MEIS1: variants seen among roughly 807,000 people sequenced by gnomAD.
The protein encoded by MEIS1 is Meis homeobox 1.
In MEIS1, 5 loss-of-function variants were observed where a neutral mutation model predicts 50.8. The observed-to-expected ratio is 0.10, with a 90% CI of 0.05 to 0.21. The LOEUF (loss-of-function observed/expected upper bound fraction) is 0.21. Among genes scored for constraint, MEIS1 ranks in the 10% least tolerant of loss-of-function variants. The pLI is 1.00. For missense variants in MEIS1, 318 were observed against 517.3 expected (o/e 0.61, Z 3.74); for synonymous variants, 176 against 179.3 (o/e 0.98, Z 0.15).
At chr2:66,547,870 T>C in intron 8 of MEIS1, 73 bp from the exon 9 acceptor site, 1 of 1,434,156 alleles carries the variant, frequency 7.0e-7, no homozygotes, top group Non-Finnish European at 9.8e-7. Flanking sequence ...ATAGACTTCA[T>C]GAGACACTTA....
intron 7 of MEIS1, among the ~76,000 whole-genome samples, chr2:66,504,844 G>A (rs902325693): frequency 3.3e-5 from 5 of 152,082 alleles, no homozygotes; most frequent in Admixed American, 3.3e-4. Flanking sequence ...CAAAGGAACC[G>A]CTTCAAATTT....
intron 10 of MEIS1, chr2:66,568,399 A>G (rs1403012925): frequency 2.9e-6 from 1 of 346,376 alleles, no homozygotes; most frequent in East Asian, 6.2e-5. Flanking sequence ...TTTTCTTCCA[A>G]CACCCATTAT....
At chr2:66,541,284 G>A (rs566504855) in intron 8 of MEIS1, among the ~76,000 whole-genome samples, 104 of 152,016 alleles carry the variant, frequency 6.8e-4, no homozygotes, top group African/African-American at 9.4e-4. Context: ...TGATCCTCCC[G>A]TCTCGGCCTC....
chr2:66,492,371 A>G (rs10166707), intron 7 of MEIS1, among the ~76,000 whole-genome samples: 19,213 of 152,034 alleles, frequency 0.13, 2,146 homozygotes, highest in African/African-American at 0.3. Context: ...TCCTTAGCAG[A>G]TTGCTAGATT....
At chr2:66,441,014 A>G in intron 4 of MEIS1, 1 of 329,062 alleles carries the variant, frequency 3.0e-6, no homozygotes. Context: ...AGGTGTAAGG[A>G]AGGCAGCAGA....
At chr2:66,452,045 A>G (rs1325769379) in intron 6 of MEIS1, among the ~76,000 whole-genome samples, 1 of 151,986 alleles carries the variant, frequency 6.6e-6, no homozygotes, top group East Asian at 1.9e-4. Flanking sequence ...ATAGCAGCAA[A>G]TAGGTAAGAT....
chr2:66,440,365 T>G, intron 3 of MEIS1, 197 bp from the exon 4 acceptor site: 1 of 625,974 alleles, frequency 1.6e-6, no homozygotes, highest in Non-Finnish European at 2.8e-6. Flanking sequence ...AGCTCTGGGC[T>G]TGTTTTCAGC....
chr2:66,553,634 C>G lies in MEIS1; in HGVS notation c.965+5615C>G, dbSNP rs1018187148. Reference sequence around the variant, plus strand: ...GGGAAAAGAGCTGTGAATTTAGAAACCTTCAGGTATTGTCATGTCAGAGAG... The same window carrying G: ...GGGAAAAGAGCTGTGAATTTAGAAAGCTTCAGGTATTGTCATGTCAGAGAG... On this transcript the variant is annotated intron_variant, in intron 9 of 12. Transcript: ENST00000272369. Among the ~76,000 whole-genome samples, 5 of 152,340 alleles carry G rather than the reference C, an allele frequency of 3.3e-5. No homozygotes were observed. In the South Asian group the frequency reaches 6.2e-4, roughly 19 times the overall value.
chr2:66,560,583 CA>C (rs796503153), intron 9 of MEIS1, among the ~76,000 whole-genome samples: 38,479 of 128,994 alleles, frequency 0.3, 5,133 homozygotes, highest in African/African-American at 0.34. Context: ...GACTCTGTCT[CA>C]AAAAAAAAAA....
intron 7 of MEIS1, among the ~76,000 whole-genome samples, chr2:66,477,567 C>T (rs1672922858): frequency 1.3e-5 from 2 of 152,182 alleles, no homozygotes; most frequent in East Asian, 1.9e-4. Context: ...GCACTGCTTT[C>T]CCTCAAAGAA....
chr2:66,495,853 G>C (rs1437097146), intron 7 of MEIS1, among the ~76,000 whole-genome samples: 1 of 152,214 alleles, frequency 6.6e-6, no homozygotes, highest in Admixed American at 6.5e-5. Flanking sequence ...TCAAGATCTA[G>C]CACCCAAAGA....
At chr2:66,554,806 G>T (rs1303749405) in intron 9 of MEIS1, among the ~76,000 whole-genome samples, 1 of 152,130 alleles carries the variant, frequency 6.6e-6, no homozygotes, top group Non-Finnish European at 1.5e-5. Flanking sequence ...GACAAACAGA[G>T]AAATTAATTA....
chr2:66,444,421 T>G (rs995828166), intron 6 of MEIS1, among the ~76,000 whole-genome samples: 1 of 152,244 alleles, frequency 6.6e-6, no homozygotes, highest in Non-Finnish European at 1.5e-5. Flanking sequence ...AAATACATTC[T>G]CAGCTTGATT....
rs1553370150 is a variant in MEIS1 at position 66,440,049 on chromosome 2, A to ACGCGTGCG, written c.381+69_381+70insTGCGCGCG. ...GAGAGCCCCCCCTTCGCCAACACAC[A>ACGCGTGCG]CGCGCGCGCGCGCGCGCGAACACAC... On this transcript the variant is annotated intron_variant, in intron 3 of 12. Coordinates refer to ENST00000272369, the MANE Select transcript of MEIS1 (RefSeq NM_002398.3). The ACGCGTGCG allele has an allele frequency of 4.4e-3, 4,734 of 1,078,188 alleles. 64 individuals carry two copies. The highest frequency in any genetic ancestry group is 0.013 in the Middle Eastern group (40 of 3,048). 66.8% of individuals were successfully genotyped at this position (1,078,188 alleles called of 1,614,324 possible). A position where few individuals can be genotyped will look rare whatever the true frequency, so the allele number is the denominator to read the frequency against.
At position 66,567,466 on chromosome 2, in the gene MEIS1, C is replaced by A; in HGVS notation, c.979C>A (p.Arg327=). The A allele has an allele frequency of 1.9e-6, 3 of 1,613,726 alleles. No homozygotes were observed. The highest frequency in any genetic ancestry group is 2.5e-6 in the Non-Finnish European group (3 of 1,179,890). Reference sequence around the variant, plus strand: ...TCTTGGTTACAGGTTTATTAATGCCCGGAGAAGAATAGTGCAGCCCATGAT... The same window carrying A: ...TCTTGGTTACAGGTTTATTAATGCCAGGAGAAGAATAGTGCAGCCCATGAT... ...LQVNNWFINA[R]RRIVQPMIDQ... Residue 327 remains arginine (R), a synonymous_variant, in exon 10 of 13, where the codon CGG becomes AGG. Coordinates refer to ENST00000272369, the MANE Select transcript of MEIS1 (RefSeq NM_002398.3).
At chr2:66,502,281 G>A (rs1187150147) in intron 7 of MEIS1, among the ~76,000 whole-genome samples, 1 of 152,098 alleles carries the variant, frequency 6.6e-6, no homozygotes, top group Non-Finnish European at 1.5e-5. Context: ...AGGAAACAGA[G>A]GGGAATAGAG....
At chr2:66,548,340 A>G (rs1358568722) in intron 9 of MEIS1, among the ~76,000 whole-genome samples, 1 of 152,162 alleles carries the variant, frequency 6.6e-6, no homozygotes, top group Non-Finnish European at 1.5e-5. Flanking sequence ...GGTAATCGAT[A>G]GAGTAGTATC....
intron 5 of MEIS1, among the ~76,000 whole-genome samples, chr2:66,442,270 TAAAAAAAAAA>T (rs11292294): frequency 8.7e-6 from 1 of 114,566 alleles, no homozygotes; most frequent in African/African-American, 3.1e-5. Flanking sequence ...CTCCTTTTTG[TAAAAAAAAAA>T]AAAAAAAAAA....
intron 6 of MEIS1, among the ~76,000 whole-genome samples, chr2:66,453,522 C>CT (rs972734226): frequency 6.6e-6 from 1 of 151,912 alleles, no homozygotes; most frequent in Non-Finnish European, 1.5e-5. Flanking sequence ...AAAGGCCTCC[C>CT]TGATTATTTT....
Sources: allele counts gnomAD v4.1 joint callset (sites outside exome capture counted in the v4.1 genomes callset), GRCh38; gene constraint gnomAD v4.1.1; transcripts MANE v1.5; gene names NCBI Gene and HGNC (gene_info 2026-07-23, HGNC 2026-07-21).